Variants in NCOR1 observed in about 807,000 individuals in gnomAD.
NCOR1 encodes protein phosphatase 1, regulatory subunit 109.
Under a neutral mutation model 288.1 loss-of-function variants are expected in NCOR1, and 63 were observed. That is an observed-to-expected ratio of 0.22 (90% CI 0.18 to 0.27). The LOEUF (loss-of-function observed/expected upper bound fraction) is 0.27, where lower values mean the gene tolerates loss of function less well. NCOR1 is among the 10% of genes least tolerant of loss of function. NCOR1 has a pLI of 1.00. For missense variants in NCOR1, 2,397 were observed against 3,019.2 expected (o/e 0.79, Z 4.83); for synonymous variants, 1,007 against 1,065.9 (o/e 0.94, Z 1.08).
intron 27 of NCOR1, among the ~76,000 whole-genome samples, chr17:16,074,053 A>T (rs2062080235): frequency 6.6e-6 from 1 of 152,214 alleles, no homozygotes; most frequent in Admixed American, 6.5e-5. Flanking sequence ...GAAGACCCCA[A>T]GGTGAGACAG....
At chr17:16,125,624 C>T (rs985161697) in intron 15 of NCOR1, among the ~76,000 whole-genome samples, 5 of 148,042 alleles carry the variant, frequency 3.4e-5, no homozygotes, top group Non-Finnish European at 7.4e-5. Flanking sequence ...ATGGCGTGAA[C>T]CTGGGAAGTG....
intron 23 of NCOR1, among the ~76,000 whole-genome samples, chr17:16,081,601 ACTGTC>A (rs1272712544): frequency 6.6e-6 from 1 of 152,152 alleles, no homozygotes; most frequent in Non-Finnish European, 1.5e-5. Flanking sequence ...TTCCCAGATA[ACTGTC>A]ATTGTTTGAC....
At chr17:16,059,532 T>C (rs1320346686) in intron 37 of NCOR1, among the ~76,000 whole-genome samples, 1 of 152,170 alleles carries the variant, frequency 6.6e-6, no homozygotes, top group African/African-American at 2.4e-5. Flanking sequence ...GGACCTCCTC[T>C]AAGACACAGT....
rs562919722 is a variant in NCOR1 at position 16,173,078 on chromosome 17, G to A, written c.243-1083C>T. ...CCCCGGTAGCTGGGATTACAGGCGC[G>A]AGCCACCATGCCAGGCTAATTTTTG... On this transcript the variant is annotated intron_variant, in intron 3 of 45. Transcript: ENST00000268712. Among the ~76,000 whole-genome samples the A allele has an allele frequency of 6.6e-5, 10 of 152,110 alleles. No individual in the cohort carries two copies. In the East Asian group the frequency reaches 9.7e-4, roughly 15 times the overall value.
At chr17:16,213,489 C>CAAAAAAAAAAAAAAAA (rs537795184) in intron 1 of NCOR1, among the ~76,000 whole-genome samples, 8 of 78,132 alleles carry the variant, frequency 1.0e-4, no homozygotes, top group African/African-American at 2.1e-4. Context: ...AAGACTGTCT[C>CAAAAAAAAAAAAAAAA]AAAAAAAAAA....
At chr17:16,203,376 C>G (rs1350290346) in intron 1 of NCOR1, among the ~76,000 whole-genome samples, 1 of 152,118 alleles carries the variant, frequency 6.6e-6, no homozygotes, top group African/African-American at 2.4e-5. Flanking sequence ...CTTCAGGAGC[C>G]CTTCTCTGCC....
rs2058979271 is a variant in NCOR1 at position 16,048,867 on chromosome 17, C to T, written c.6514G>A (p.Gly2172Ser). ...QDSLLLLSQRGAEPAEQRNDA... is the reference protein window; with the variant it reads ...QDSLLLLSQRSAEPAEQRNDA... ...TACCTCTGCTCTGCAGGCTCTGCGC[C>T]CCTCTGAGACAAGAGCAGCAAGCTG... Residue 2172 changes from glycine to serine, a missense_variant, in exon 41 of 46, where the codon GGC (glycine) becomes AGC (serine). Gly to Ser is a moderately conservative substitution (Grantham distance 56, BLOSUM62 0). Around this residue, in one of 11 missense-constraint regions of NCOR1, gnomAD observed 1,872 missense variants for 2,187.8 expected, o/e 0.86. Transcript: ENST00000268712. 6.2e-7 allele frequency: 1 copy of T among 1,613,210 alleles called. No homozygotes were observed. Among genetic ancestry groups the T allele is most frequent in the African/African-American group, 1.3e-5 (1 of 75,022 alleles).
intron 20 of NCOR1, among the ~76,000 whole-genome samples, chr17:16,101,003 G>A (rs928333052): frequency 1.3e-5 from 2 of 152,164 alleles, no homozygotes; most frequent in African/African-American, 2.4e-5. Context: ...TCCCTGTTAT[G>A]CTATCATACA....
intron 21 of NCOR1, among the ~76,000 whole-genome samples, chr17:16,094,608 A>C (rs2066010182): frequency 1.3e-5 from 2 of 151,084 alleles, no homozygotes; most frequent in South Asian, 4.2e-4. Flanking sequence ...TCTCCCTCTC[A>C]TGCCGAGCCA....
intron 16 of NCOR1, among the ~76,000 whole-genome samples, chr17:16,120,231 C>T (rs1239360363): frequency 6.6e-6 from 1 of 152,154 alleles, no homozygotes; most frequent in African/African-American, 2.4e-5. Flanking sequence ...GGCCCTCTGC[C>T]TCCAGCCTTT....
chr17:16,034,010 T>C (rs1414834164), intron 45 of NCOR1, among the ~76,000 whole-genome samples: 2 of 152,206 alleles, frequency 1.3e-5, no homozygotes, highest in Non-Finnish European at 2.9e-5. Flanking sequence ...GATGGCTTTT[T>C]AAACTAGTCT....
At chr17:16,190,724 A>T (rs532779836) in intron 2 of NCOR1, among the ~76,000 whole-genome samples, 11 of 152,350 alleles carry the variant, frequency 7.2e-5, no homozygotes, top group African/African-American at 2.4e-4. Flanking sequence ...ACAACAGTGT[A>T]CTGCAGCTTC....
At chr17:16,127,093 T>C (rs1452077793) in intron 14 of NCOR1, among the ~76,000 whole-genome samples, 1 of 137,886 alleles carries the variant, frequency 7.3e-6, no homozygotes, top group Admixed American at 7.5e-5. Flanking sequence ...TCAAAGTTTA[T>C]CATAGGTGTG....
chr17:16,091,791 T>C (rs2065222237), intron 22 of NCOR1, 72 bp downstream of exon 22: 1 of 1,604,766 alleles, frequency 6.2e-7, no homozygotes, highest in Non-Finnish European at 8.5e-7. Flanking sequence ...CAAAGCACAA[T>C]GGACACTGCT....
At chr17:16,114,800 C>T (rs2071211946) in intron 18 of NCOR1, among the ~76,000 whole-genome samples, 1 of 152,228 alleles carries the variant, frequency 6.6e-6, no homozygotes, top group African/African-American at 2.4e-5. Context: ...TCCTTCCTGG[C>T]TGTTTTCACA....
At chr17:16,186,780 A>G in intron 2 of NCOR1, 93 bp from the exon 3 acceptor site, 1 of 1,107,178 alleles carries the variant, frequency 9.0e-7, no homozygotes, top group Non-Finnish European at 1.3e-6. Flanking sequence ...TGGGCCACTA[A>G]GTATGGAAAG....
intron 41 of NCOR1, among the ~76,000 whole-genome samples, chr17:16,047,826 G>A (rs2058844097): frequency 6.6e-6 from 1 of 152,086 alleles, no homozygotes; most frequent in Non-Finnish European, 1.5e-5. Flanking sequence ...TCAAACACAA[G>A]AACACGTACT....
intron 14 of NCOR1, among the ~76,000 whole-genome samples, chr17:16,134,976 G>A (rs1359027437): frequency 6.6e-6 from 1 of 151,874 alleles, no homozygotes; most frequent in Non-Finnish European, 1.5e-5. Context: ...TGACTAACAC[G>A]GTGAAACCCC....
chr17:16,199,208 A>ACACACACACACACAC (rs1568639295), intron 1 of NCOR1, among the ~76,000 whole-genome samples: 21 of 109,192 alleles, frequency 1.9e-4, no homozygotes, highest in African/African-American at 7.9e-4. Flanking sequence ...CAGAAGGAAA[A>ACACACACACACACAC]AAAAAAAAAC....
Sources: allele counts gnomAD v4.1 joint callset (sites outside exome capture counted in the v4.1 genomes callset), GRCh38; gene constraint gnomAD v4.1.1; regional missense constraint gnomAD v4.1.1; transcripts MANE v1.5; gene names NCBI Gene and HGNC (gene_info 2026-07-23, HGNC 2026-07-21).